Variants in CDK19 observed in about 807,000 individuals in gnomAD.
The protein encoded by CDK19 is cyclin-dependent kinase 19.
A neutral mutation model predicts 68.3 loss-of-function variants in CDK19; 20 were observed. The ratio of observed to expected loss-of-function variants is 0.29; its 90% CI spans 0.21 to 0.43. The LOEUF (loss-of-function observed/expected upper bound fraction) is 0.43, where lower values mean the gene tolerates loss of function less well. Among genes scored for constraint, CDK19 ranks in the 20% least tolerant of loss-of-function variants. CDK19 has a pLI of 1.00. For missense variants in CDK19, 339 were observed against 623.5 expected (o/e 0.54, Z 4.86); for synonymous variants, 221 against 222.8 (o/e 0.99, Z 0.07).
intron 1 of CDK19, among the ~76,000 whole-genome samples, chr6:110,777,907 T>C (rs977684428): frequency 6.6e-6 from 1 of 152,218 alleles, no homozygotes; most frequent in Non-Finnish European, 1.5e-5. Flanking sequence ...ATAGATCCCA[T>C]GTACATCAGG....
chr6:110,677,725 C>G (rs1258473936), intron 2 of CDK19, among the ~76,000 whole-genome samples: 1 of 152,138 alleles, frequency 6.6e-6, no homozygotes, highest in African/African-American at 2.4e-5. Flanking sequence ...TGTTTTATGA[C>G]TCTCAGATTT....
chr6:110,629,505 C>A (rs1308608119), intron 6 of CDK19, among the ~76,000 whole-genome samples: 2 of 152,170 alleles, frequency 1.3e-5, no homozygotes, highest in East Asian at 1.9e-4. Context: ...TAGGCACACA[C>A]CACCATGCCT....
chr6:110,723,538 A>G (rs1020488820), intron 2 of CDK19, among the ~76,000 whole-genome samples: 1 of 152,210 alleles, frequency 6.6e-6, no homozygotes, highest in Non-Finnish European at 1.5e-5. Flanking sequence ...CTAAAATTGG[A>G]TATTTTTTAG....
At chr6:110,789,541 T>C (rs1481029398) in intron 1 of CDK19, among the ~76,000 whole-genome samples, 1 of 152,198 alleles carries the variant, frequency 6.6e-6, no homozygotes, top group Non-Finnish European at 1.5e-5. Context: ...CCTCCCAAAG[T>C]GCTGGGATTA....
rs112066065 is a variant in CDK19, at chr6:110,802,119, T to C, written c.128+12890A>G. On this transcript the variant is annotated intron_variant, in intron 1 of 12. Transcript: ENST00000368911. ...TAGTTCAGCCCCTGTGGAAAGCAGT[T>C]TGGAGATTCCTCCAAGAATCAAAAA... is the stretch of plus-strand genomic sequence containing the variant. 4.9e-3 allele frequency among the ~76,000 whole-genome samples: 751 copies of C among 152,270 alleles called. 8 individuals are homozygous for C. Among genetic ancestry groups the C allele is most frequent in the African/African-American group, 0.018 (731 of 41,550 alleles).
intron 1 of CDK19, among the ~76,000 whole-genome samples, chr6:110,770,557 G>T (rs911800130): frequency 6.6e-6 from 1 of 152,154 alleles, no homozygotes; most frequent in Non-Finnish European, 1.5e-5. Flanking sequence ...TAGAATTCAA[G>T]ATGAGATTTG....
At chr6:110,634,868 T>A (rs1379651476) in intron 5 of CDK19, among the ~76,000 whole-genome samples, 1 of 152,166 alleles carries the variant, frequency 6.6e-6, no homozygotes, top group Non-Finnish European at 1.5e-5. Flanking sequence ...ATTCTCTACC[T>A]CCTCAGTTTT....
intron 2 of CDK19, among the ~76,000 whole-genome samples, chr6:110,704,515 C>T (rs1187724054): frequency 6.6e-6 from 1 of 152,152 alleles, no homozygotes; most frequent in Non-Finnish European, 1.5e-5. Context: ...TCTTCCAAAT[C>T]CCTATGGGGA....
intron 2 of CDK19, among the ~76,000 whole-genome samples, chr6:110,701,277 T>G (rs1185295511): frequency 6.6e-6 from 1 of 150,612 alleles, no homozygotes; most frequent in Non-Finnish European, 1.5e-5. Context: ...GCGTGGTGGC[T>G]CAAGCCTGTA....
intron 1 of CDK19, among the ~76,000 whole-genome samples, chr6:110,762,095 T>C (rs544815562): frequency 3.3e-5 from 5 of 152,252 alleles, no homozygotes; most frequent in African/African-American, 1.2e-4. Context: ...TCATACCCAA[T>C]ACCCCATAAG....
At chr6:110,801,228 A>C (rs1304841993) in intron 1 of CDK19, among the ~76,000 whole-genome samples, 1 of 152,134 alleles carries the variant, frequency 6.6e-6, no homozygotes, top group Non-Finnish European at 1.5e-5. Flanking sequence ...TCACACCTGT[A>C]ATCAGCAGCA....
At chr6:110,713,859 AT>A (rs1462204172) in intron 2 of CDK19, among the ~76,000 whole-genome samples, 3 of 152,176 alleles carry the variant, frequency 2.0e-5, no homozygotes, top group African/African-American at 7.2e-5. Flanking sequence ...TCTACAAAAA[AT>A]TTTAAAATGT....
At chr6:110,768,481 C>G (rs1433847479) in intron 1 of CDK19, among the ~76,000 whole-genome samples, 1 of 152,180 alleles carries the variant, frequency 6.6e-6, no homozygotes, top group Non-Finnish European at 1.5e-5. Flanking sequence ...AAGCTGGAAG[C>G]AACCAAGATA....
At chr6:110,786,036 T>C (rs1781199963) in intron 1 of CDK19, among the ~76,000 whole-genome samples, 1 of 152,092 alleles carries the variant, frequency 6.6e-6, no homozygotes, top group Non-Finnish European at 1.5e-5. Flanking sequence ...TCTGCCTGAC[T>C]TTTTTGCTTT....
intron 4 of CDK19, among the ~76,000 whole-genome samples, chr6:110,653,107 T>C (rs78714877): frequency 0.028 from 4,238 of 152,336 alleles, 84 homozygotes; most frequent in South Asian, 0.083. Flanking sequence ...AGATACTTGA[T>C]GTTTCAAAAT....
At position 110,734,520 on chromosome 6, in the gene CDK19, G is replaced by GCTCTCTCTCTCTCTCTCTCTCTCTCT. The variant is rs34004722; in HGVS notation, c.204+11580_204+11605dup. The stretch of plus-strand genomic sequence containing the variant: ...TGATAAAACTAAGAGGGTGAGCACT[G>GCTCTCTCTCTCTCTCTCTCTCTCTCT]CTCTCTCTCTCTCTCTCTCTCTCTC... On this transcript the variant is annotated intron_variant, in intron 2 of 12. Coordinates refer to ENST00000368911, the MANE Select transcript of CDK19 (RefSeq NM_015076.5). 9.1e-3 allele frequency among the ~76,000 whole-genome samples: 784 copies of GCTCTCTCTCTCTCTCTCTCTCTCTCT among 85,718 alleles called. 170 individuals carry two copies. The highest frequency in any genetic ancestry group is 0.014 in the Admixed American group (77 of 5,366). 56.2% of individuals were successfully genotyped at this position (85,718 alleles called of 152,430 possible). A position where few individuals can be genotyped will look rare whatever the true frequency, so the allele number is the denominator to read the frequency against.
rs188808754 is a variant in CDK19, at chr6:110,738,386, G to A, written c.204+7740C>T. Among the ~76,000 whole-genome samples the A allele has an allele frequency of 1.7e-3, 251 of 152,012 alleles. 2 individuals carry two copies. The highest frequency in any genetic ancestry group is 3.0e-3 in the Admixed American group (46 of 15,236). ...AAAAAAAAAATTAGCCAGGGATGGT[G>A]GCACATGCTTGTAATCCCAGCTACT... On this transcript the variant is annotated intron_variant, in intron 2 of 12. Transcript: ENST00000368911.
intron 1 of CDK19, among the ~76,000 whole-genome samples, chr6:110,804,436 G>C (rs922149704): frequency 6.6e-6 from 1 of 151,504 alleles, no homozygotes; most frequent in Non-Finnish European, 1.5e-5. Flanking sequence ...TCTGCCTCCC[G>C]GGTTCAAGCG....
At chr6:110,749,314 C>T (rs1778295760) in intron 1 of CDK19, among the ~76,000 whole-genome samples, 1 of 152,032 alleles carries the variant, frequency 6.6e-6, no homozygotes, top group African/African-American at 2.4e-5. Flanking sequence ...CATTACGTAA[C>T]AAAATAGAAC....
Sources: allele counts gnomAD v4.1 joint callset (sites outside exome capture counted in the v4.1 genomes callset), GRCh38; gene constraint gnomAD v4.1.1; transcripts MANE v1.5; gene names NCBI Gene and HGNC (gene_info 2026-07-23, HGNC 2026-07-21).